The following SCML2 variants were observed in gnomAD, a reference collection of about 807,000 sequenced individuals.
SCML2 encodes the protein Scm polycomb group protein like 2.
A neutral mutation model predicts 48.4 loss-of-function variants in SCML2; 6 were observed. The ratio of observed to expected loss-of-function variants is 0.12; its 90% CI spans 0.07 to 0.24. SCML2 has a LOEUF of 0.24. Ranked by LOEUF, SCML2 falls within the 10% of genes least tolerant of loss-of-function variation. The probability of loss-of-function intolerance (pLI) is 1.00; values close to 1 mark genes in which losing one functional copy is unlikely to be tolerated. For missense variants in SCML2, 377 were observed against 528.2 expected (o/e 0.71, Z 2.81); for synonymous variants, 181 against 189.5 (o/e 0.95, Z 0.37).
At chrX:18,333,216 G>A (rs1602143013) in intron 2 of SCML2, among the ~76,000 whole-genome samples, 1 of 110,446 alleles carries the variant, frequency 9.1e-6, no homozygotes, top group African/African-American at 3.3e-5. Flanking sequence ...GGCAGAGATT[G>A]CAATGAGCCA....
At chrX:18,275,849 A>G (rs1243209890) in intron 7 of SCML2, among the ~76,000 whole-genome samples, 6 of 112,529 alleles carry the variant, frequency 5.3e-5, no homozygotes, top group African/African-American at 1.9e-4. Context: ...TATATTCAAA[A>G]CAGAAGGAAG....
Position 18,273,353 on chromosome X carries a change from T to C in SCML2, c.731-7551A>G, listed in dbSNP as rs370466172. Among the ~76,000 whole-genome samples, 13 of 111,744 alleles carry C rather than the reference T, an allele frequency of 1.2e-4. No individual in the cohort carries two copies. In the East Asian group the frequency reaches 2.0e-3, roughly 17 times the overall value. ...ATACTCTCTCTCCCTCTCTCTAGCA[T>C]AGGCCTCTTGCAAGTTCCAGAGATG... On this transcript the variant is annotated intron_variant, in intron 7 of 14. Coordinates refer to ENST00000251900, the MANE Select transcript of SCML2 (RefSeq NM_006089.3).
At chrX:18,285,501 C>CT (rs1928020255) in intron 7 of SCML2, among the ~76,000 whole-genome samples, 1 of 110,089 alleles carries the variant, frequency 9.1e-6, no homozygotes, top group Admixed American at 9.8e-5. Flanking sequence ...GAGCTAAACA[C>CT]TGAGCACACA....
chrX:18,304,829 T>C, intron 7 of SCML2, 143 bp downstream of exon 7: 1 of 621,829 alleles, frequency 1.6e-6, no homozygotes, highest in Non-Finnish European at 2.5e-6. Flanking sequence ...TCCAGTTCTC[T>C]AGCCTGGACA....
At chrX:18,305,569 G>A (rs1230936125) in intron 6 of SCML2, among the ~76,000 whole-genome samples, 1 of 111,485 alleles carries the variant, frequency 9.0e-6, no homozygotes, top group African/African-American at 3.3e-5. Context: ...TCTAATGCTG[G>A]TGATAGTAGT....
intron 6 of SCML2, among the ~76,000 whole-genome samples, chrX:18,310,598 CTATTT>C (rs1450607007): frequency 3.7e-5 from 4 of 109,167 alleles, no homozygotes; most frequent in African/African-American, 6.7e-5. Context: ...TTTTTCATTT[CTATTT>C]TATTTTATTT....
At chrX:18,249,005 G>A (rs1413103840) in intron 11 of SCML2, among the ~76,000 whole-genome samples, 1 of 111,278 alleles carries the variant, frequency 9.0e-6, no homozygotes, top group Non-Finnish European at 1.9e-5. Flanking sequence ...TAAGCTAAGG[G>A]AGCAAAGTGT....
At position 18,324,988 on chromosome X, in the gene SCML2, C is replaced by T. The variant is rs780115790; in HGVS notation, c.92-11G>A. The T allele has an allele frequency of 8.7e-7, 1 of 1,154,653 alleles. No homozygotes were observed. The highest frequency in any genetic ancestry group is 1.2e-6 in the Non-Finnish European group (1 of 846,248). The stretch of plus-strand genomic sequence containing the variant: ...CCCAGTGGAAATCATCTGGAAAAAA[C>T]ACATGTGCAAAATAGTTTCTTAAAG... On this transcript the variant is annotated splice_polypyrimidine_tract_variant and intron_variant, in intron 3 of 14. Coordinates refer to ENST00000251900, the MANE Select transcript of SCML2 (RefSeq NM_006089.3).
intron 1 of SCML2, among the ~76,000 whole-genome samples, chrX:18,345,029 C>CTA (rs1930155282): frequency 9.0e-6 from 1 of 111,407 alleles, no homozygotes; most frequent in Admixed American, 9.6e-5. Flanking sequence ...AAGCTTATTA[C>CTA]AAGCCTGCAT....
intron 6 of SCML2, among the ~76,000 whole-genome samples, chrX:18,306,684 A>AT (rs1209205913): frequency 9.0e-6 from 1 of 111,662 alleles, no homozygotes; most frequent in African/African-American, 3.3e-5. Context: ...TTTAAAAAAT[A>AT]TATCTGGTAG....
chrX:18,325,257 G>A (rs1308246567), intron 3 of SCML2, among the ~76,000 whole-genome samples: 1 of 111,901 alleles, frequency 8.9e-6, no homozygotes, highest in African/African-American at 3.2e-5. Flanking sequence ...TTCTAAAAAT[G>A]TGGACGTTAG....
intron 7 of SCML2, among the ~76,000 whole-genome samples, chrX:18,287,422 GGAA>G (rs781367407): frequency 3.6e-5 from 4 of 111,407 alleles, no homozygotes; most frequent in Non-Finnish European, 7.5e-5. Context: ...GATTAAAGAA[GGAA>G]GAAGAAACAC....
Position 18,242,578 on chromosome X carries a change from A to G in SCML2, c.1835T>C (p.Ile612Thr), listed in dbSNP as rs1351900004. 2 of 1,205,103 alleles carry G rather than the reference A, an allele frequency of 1.7e-6. No individual in the cohort carries two copies. Among genetic ancestry groups the G allele is most frequent in the Admixed American group, 2.3e-5 (1 of 44,200 alleles). ...CAGGACACTGGGATCAGGTACAGCT[A>G]TATAACTTGGAGCTTCAATGGGGGG... ...MQRKSEAPSY[I>T]AVPDPSVLKQ... Residue 612 changes from isoleucine (I) to threonine (T), a missense_variant, in exon 14 of 15, where the codon ATA becomes ACA. Transcript: ENST00000251900.
rs1416154422 is a variant in SCML2 at position 18,265,799 on chromosome X, G to A, written c.734C>T (p.Pro245Leu). 1.2e-5 allele frequency: 14 copies of A among 1,171,731 alleles called. No homozygotes were observed. Among genetic ancestry groups the A allele is most frequent in the Non-Finnish European group, 1.4e-5 (12 of 866,737 alleles). Residue 245 changes from proline (P) to leucine (L), a missense_variant, in exon 8 of 15, where the codon CCT (proline) becomes CTT (leucine). Pro to Leu is a moderately conservative substitution (Grantham distance 98). Transcript: ENST00000251900. Reference protein sequence around the residue: ...DVLQPPGTSVPIVKNIAKTES... With the variant: ...DVLQPPGTSVLIVKNIAKTES... ...TGTTTTTGCTATATTCTTTACAATA[G>A]GAACTGAGGAAAAAAATACAAAAAA...
At position 18,273,016 on chromosome X, in the gene SCML2, C is replaced by T. The variant is rs1024664146; in HGVS notation, c.731-7214G>A. Among the ~76,000 whole-genome samples, 4 of 111,975 alleles carry T rather than the reference C, an allele frequency of 3.6e-5. No individual in the cohort carries two copies. In the Admixed American group the frequency reaches 3.8e-4, roughly 11 times the overall value. On this transcript the variant is annotated intron_variant, in intron 7 of 14. Transcript: ENST00000251900. ...CTTTGTGTGTTAATATCACCAACAA[C>T]TTCCTAACAGCCATTGACAATGGAT...
chrX:18,335,156 G>A (rs994569510), intron 1 of SCML2, among the ~76,000 whole-genome samples: 1 of 110,478 alleles, frequency 9.1e-6, no homozygotes, highest in Non-Finnish European at 1.9e-5. Context: ...GGTAGTAAGT[G>A]AAGGTACTTA....
chrX:18,240,148 CT>C lies in SCML2; in HGVS notation c.*1102del, dbSNP rs1258864332. ...CAATCTACAGATTGTTTCATATCCC[CT>C]GAAGAGTAAGCTGAGAGGTACTGGT... is the stretch of plus-strand genomic sequence containing the variant. On this transcript the variant is annotated 3_prime_UTR_variant, in exon 15 of 15. Transcript: ENST00000251900. 2 of 112,004 alleles carry C rather than the reference CT, an allele frequency of 1.8e-5. No homozygotes were observed. The highest frequency in any genetic ancestry group is 6.5e-5 in the African/African-American group (2 of 30,729). 9.2% of individuals were successfully genotyped at this position (112,004 alleles called of 1,213,427 possible). A position where few individuals can be genotyped will look rare whatever the true frequency, so the allele number is the denominator to read the frequency against.
chrX:18,329,796 A>G (rs1929597081), intron 3 of SCML2, among the ~76,000 whole-genome samples: 1 of 112,630 alleles, frequency 8.9e-6, no homozygotes, highest in African/African-American at 3.2e-5. Flanking sequence ...AAGAAAAAAG[A>G]GCCGGGCACA....
Position 18,309,506 on chromosome X carries a change from T to G in SCML2, c.487-4291A>C, listed in dbSNP as rs1340595693. Among the ~76,000 whole-genome samples the G allele has an allele frequency of 2.7e-5, 3 of 112,023 alleles. No homozygotes were observed. In the East Asian group the frequency reaches 8.4e-4, roughly 31 times the overall value. On this transcript the variant is annotated intron_variant, in intron 6 of 14. Coordinates refer to ENST00000251900, the MANE Select transcript of SCML2 (RefSeq NM_006089.3). ...ATGTTCATTGCAGCACTATTTATAA[T>G]GGCAAAGATGTGGAATCAACCTTGA...
Sources: allele counts gnomAD v4.1 joint callset (sites outside exome capture counted in the v4.1 genomes callset), GRCh38; gene constraint gnomAD v4.1.1; transcripts MANE v1.5; gene names NCBI Gene and HGNC (gene_info 2026-07-23, HGNC 2026-07-21).